Variants in ACAP3 observed in about 807,000 individuals in gnomAD.
The protein encoded by ACAP3 is ArfGAP with coiled-coil, ankyrin repeat and PH domains 3.
Under a neutral mutation model 104.1 loss-of-function variants are expected in ACAP3, and 56 were observed. The observed-to-expected ratio is 0.54, with a 90% CI of 0.43 to 0.67. The LOEUF (loss-of-function observed/expected upper bound fraction) is 0.67, where lower values mean the gene tolerates loss of function less well. Among genes scored for constraint, ACAP3 ranks in the 30% least tolerant of loss-of-function variants. ACAP3 has a pLI of 0.00. For synonymous variants in ACAP3, 628 were observed against 496.2 expected (o/e 1.27, Z -3.53); for missense variants, 1,208 against 1,174.9 (o/e 1.03, Z -0.41).
rs956723418 is a variant in ACAP3 at position 1,303,491 on chromosome 1, G to A, written c.106-210C>T. The A allele has an allele frequency of 2.2e-5, 15 of 683,468 alleles. No individual in the cohort carries two copies. Among genetic ancestry groups the A allele is most frequent in the Admixed American group, 9.1e-5 (3 of 33,054 alleles). 42.3% of individuals were successfully genotyped at this position (683,468 alleles called of 1,614,324 possible). A position where few individuals can be genotyped will look rare whatever the true frequency, so the allele number is the denominator to read the frequency against. The stretch of plus-strand genomic sequence containing the variant: ...TGGGAGGGGAGGGTGGGGCCGCCAC[G>A]GCTCGGCTGGGAGGGACCAGGAGCC... On this transcript the variant is annotated intron_variant, in intron 2 of 23. Coordinates refer to ENST00000354700, the MANE Select transcript of ACAP3 (RefSeq NM_030649.3). The surrounding 1 kb of genome is among the most constrained non-coding windows in gnomAD (Gnocchi z 4.0).
chr1:1,294,590 C>A lies in ACAP3; in HGVS notation c.1951G>T (p.Gly651Trp), dbSNP rs866709468. The change falls in exon 21 of 24, where the codon GGG becomes TGG. Residue 651 changes from glycine (G) to tryptophan (W), a missense_variant. Gly to Trp is a radical substitution (Grantham distance 184). Coordinates refer to ENST00000354700, the MANE Select transcript of ACAP3 (RefSeq NM_030649.3). ...CCCCAGGCCTCGGCCTCAGTGTCCC[C>A]GTCTGCCTCACCGCTGGACTCCTCC... ...ESEESSGEADGDTEAEAWGLA... is the reference protein window; with the variant it reads ...ESEESSGEADWDTEAEAWGLA... 2 of 1,517,618 alleles carry A rather than the reference C, an allele frequency of 1.3e-6. No individual in the cohort carries two copies. Among genetic ancestry groups the A allele is most frequent in the Non-Finnish European group, 8.8e-7 (1 of 1,138,824 alleles). The allele number at this position is 1,517,618 out of a possible 1,614,324, so 94.0% of individuals were successfully genotyped here.
Position 1,294,483 on chromosome 1 carries a change from C to T in ACAP3, c.2058G>A (p.Ala686=), listed in dbSNP as rs773775845. 7 of 1,546,158 alleles carry T rather than the reference C, an allele frequency of 4.5e-6. No individual in the cohort carries two copies. In the African/African-American group the frequency reaches 7.0e-5, roughly 15 times the overall value. ...TGACCTCGGCCCCGTGGGCCAGCGC[C>T]GCCGCCAGCGCAGGAAGGTCGCGGG... is the stretch of plus-strand genomic sequence containing the variant. ...ARARDLPALA[A]ALAHGAEVNW... The change falls in exon 21 of 24, where the codon GCG becomes GCA. Residue 686 remains alanine (A), a synonymous_variant. Transcript: ENST00000354700.
In ACAP3 at chr1:1,294,443, C is replaced by A. The variant is rs1189471160; in HGVS notation, c.2098G>T (p.Glu700Ter). ...HGAEVNWADA[E>*]DEGKTPLVQA... The stretch of plus-strand genomic sequence containing the variant: ...ACCAGCGGCGTCTTGCCCTCATCCT[C>A]CGCGTCCGCCCAGTTGACCTCGGCC... Residue 700 changes from glutamate to a stop codon, truncating the protein, a stop_gained, in exon 21 of 24, where the codon GAG becomes TAG. Coordinates refer to ENST00000354700, the MANE Select transcript of ACAP3 (RefSeq NM_030649.3). LOFTEE classifies it high-confidence loss of function. 6.3e-7 allele frequency: 1 copy of A among 1,574,986 alleles called. No individual in the cohort carries two copies.
intron 16 of ACAP3, 35 bp downstream of exon 16, chr1:1,296,176 C>T (rs374708743): frequency 2.6e-5 from 41 of 1,600,288 alleles, no homozygotes; most frequent in Middle Eastern, 1.6e-4. Context: ...CCCCCACAAA[C>T]GGGGTCCCGT....
Position 1,298,033 on chromosome 1 carries a change from G to A in ACAP3, c.996C>T (p.Phe332=), listed in dbSNP as rs748095891. ...PCEDIERRFC[F]EVLSPTKSCM... is the part of the protein sequence containing the mutation. Reference sequence around the variant, plus strand: ...CTCACTTGGTGGGTGACAGCACCTCGAAGCAGAACCTCCGCTCGATGTCCT... The same window carrying A: ...CTCACTTGGTGGGTGACAGCACCTCAAAGCAGAACCTCCGCTCGATGTCCT... Residue 332 remains phenylalanine, a synonymous_variant, in exon 13 of 24, where the codon TTC becomes TTT. Coordinates refer to ENST00000354700, the MANE Select transcript of ACAP3 (RefSeq NM_030649.3). 1.1e-5 allele frequency: 18 copies of A among 1,611,758 alleles called. No individual in the cohort carries two copies. The highest frequency in any genetic ancestry group is 1.4e-5 in the Non-Finnish European group (16 of 1,179,562).
intron 1 of ACAP3, 121 bp from the exon 2 acceptor site, chr1:1,304,264 G>A: frequency 1.6e-6 from 2 of 1,217,766 alleles, no homozygotes; most frequent in Non-Finnish European, 2.3e-6. Flanking sequence ...AAACAGGCTG[G>A]GAGACAGACG....
Position 1,300,525 on chromosome 1 carries a change from A to G in ACAP3, c.506T>C (p.Leu169Pro), listed in dbSNP as rs1302729436. The change falls in exon 6 of 24, where the codon CTG becomes CCG. Residue 169 changes from leucine to proline, a missense_variant. Transcript: ENST00000354700. Reference protein sequence around the residue: ...LTRKCFRHLALDYVLQINVLQ... With the variant: ...LTRKCFRHLAPDYVLQINVLQ... ...GGGGCTGACCTGGAGCACATAGTCCAGTGCCAGGTGGCGGAAGCACTTCCT... is the reference window on the plus strand; with the variant it reads ...GGGGCTGACCTGGAGCACATAGTCCGGTGCCAGGTGGCGGAAGCACTTCCT... The G allele has an allele frequency of 6.2e-7, 1 of 1,611,232 alleles. No individual in the cohort carries two copies. Among genetic ancestry groups the G allele is most frequent in the Non-Finnish European group, 8.5e-7 (1 of 1,179,524 alleles).
chr1:1,297,213 G>A (rs56153290), intron 14 of ACAP3, among the ~76,000 whole-genome samples: 4,202 of 104,192 alleles, frequency 0.04, 502 homozygotes, highest in African/African-American at 0.25. Context: ...GTGCACAGGC[G>A]CGGGGCAGGG....
chr1:1,295,932 G>C lies in ACAP3; in HGVS notation c.1509C>G (p.Asp503Glu). The C allele has an allele frequency of 6.2e-7, 1 of 1,612,486 alleles. No homozygotes were observed. Residue 503 changes from aspartate to glutamate, a missense_variant, in exon 18 of 24, where the codon GAC becomes GAG. By Grantham distance (45) the Asp-to-Glu change is conservative. Coordinates refer to ENST00000354700, the MANE Select transcript of ACAP3 (RefSeq NM_030649.3). Reference sequence around the variant, plus strand: ...ATTTGTCCTTGATCCAGGCCTCCTTGTCCTGCCTGGACCAGGGGGGAACAT... The same window carrying C: ...ATTTGTCCTTGATCCAGGCCTCCTTCTCCTGCCTGGACCAGGGGGGAACAT... Reference protein sequence around the residue: ...RKPTASSSRQDKEAWIKDKYV... With the variant: ...RKPTASSSRQEKEAWIKDKYV...
intron 4 of ACAP3, 102 bp downstream of exon 4, chr1:1,302,820 A>G: frequency 3.1e-6 from 1 of 325,254 alleles, no homozygotes; most frequent in Non-Finnish European, 6.1e-6. Context: ...CTAGAGGAGC[A>G]GAAACGTGCC....
rs1050765684 is a variant in ACAP3 at position 1,303,444 on chromosome 1, G to C, written c.106-163C>G. 1 of 903,108 alleles carries C rather than the reference G, an allele frequency of 1.1e-6. No homozygotes were observed. The allele number at this position is 903,108 out of a possible 1,614,324, so 55.9% of individuals were successfully genotyped here. A position where few individuals can be genotyped will look rare whatever the true frequency, so the allele number is the denominator to read the frequency against. On this transcript the variant is annotated intron_variant, in intron 2 of 23. Coordinates refer to ENST00000354700, the MANE Select transcript of ACAP3 (RefSeq NM_030649.3). This position sits in a 1 kb window ranked among gnomAD's most constrained non-coding sequence, Gnocchi z 4.0. ...GTGCAGCTTCCTCACGCCTGGGCCT[G>C]CCTGGGGCTTGGAGGCCCGTCTGGG... is the stretch of plus-strand genomic sequence containing the variant.
In ACAP3 at chr1:1,293,531, G is replaced by GGGGTA; in HGVS notation, c.*32_*33insTACCC. On this transcript the variant is annotated 3_prime_UTR_variant, in exon 24 of 24. Coordinates refer to ENST00000354700, the MANE Select transcript of ACAP3 (RefSeq NM_030649.3). ...TTCGGGGCATGCGGGGCGTCGGGCC[G>GGGGTA]GGCGGGGTGGCAGCTGCCCGGCCTG... 7.1e-7 allele frequency: 1 copy of GGGGTA among 1,418,292 alleles called. No homozygotes were observed. The highest frequency in any genetic ancestry group is 9.2e-7 in the Non-Finnish European group (1 of 1,092,318). 87.9% of individuals were successfully genotyped at this position (1,418,292 alleles called of 1,614,324 possible).
intron 1 of ACAP3, chr1:1,307,404 G>C: frequency 7.7e-7 from 1 of 1,291,582 alleles, no homozygotes; most frequent in Non-Finnish European, 1.0e-6. Flanking sequence ...GATCAAGTCA[G>C]AGACCAGGGG....
rs567378908 is a variant in ACAP3, at chr1:1,303,278, C to T, written c.109G>A (p.Val37Met). 2.5e-6 allele frequency: 4 copies of T among 1,584,100 alleles called. No individual in the cohort carries two copies. The East Asian group carries it at 6.9e-5, about 27-fold the overall frequency. ...TCCACCATGCCACTGCACAGCTTCA[C>T]CAGCTGTGGGCCAGCGGGGCGTGGT... The part of the protein sequence containing the change: ...VEIEAKLDKL[V>M]KLCSGMVEAG... Residue 37 changes from valine to methionine, a missense_variant, in exon 3 of 24, where the codon GTG becomes ATG. Physicochemically the swap from Val to Met is conservative, Grantham distance 21. Coordinates refer to ENST00000354700, the MANE Select transcript of ACAP3 (RefSeq NM_030649.3). The surrounding 1 kb of genome is among the most constrained non-coding windows in gnomAD (Gnocchi z 4.0).
At position 1,293,875 on chromosome 1, in the gene ACAP3, G is replaced by C; in HGVS notation, c.2308C>G (p.Arg770Gly). The C allele has an allele frequency of 6.3e-7, 1 of 1,576,712 alleles. No individual in the cohort carries two copies. Among genetic ancestry groups the C allele is most frequent in the Non-Finnish European group, 8.6e-7 (1 of 1,165,858 alleles). The change falls in exon 23 of 24, where the codon CGG becomes GGG. Residue 770 changes from arginine (R) to glycine (G), a missense_variant. Physicochemically the swap from Arg to Gly is moderately radical, Grantham distance 125. Transcript: ENST00000354700. ...ADQHALDQEQ[R>G]DPLAIAVQAA... ...TGCACTGCGATGGCCAACGGGTCCC[G>C]CTGCTCTTGGTCCAGGGCGTGCTGG...
At chr1:1,295,633 C>T in intron 18 of ACAP3, 79 bp from the exon 19 acceptor site, 5 of 1,560,720 alleles carry the variant, frequency 3.2e-6, no homozygotes, top group Non-Finnish European at 3.5e-6. Context: ...CGGGAGTCTG[C>T]GGAGCCTGAG....
In ACAP3 at chr1:1,300,662, CTTCT is replaced by C. The variant is rs1358446576; in HGVS notation, c.365_368del (p.Lys122SerfsTer15). 5.0e-6 allele frequency: 8 copies of C among 1,608,976 alleles called. No homozygotes were observed. The highest frequency in any genetic ancestry group is 2.7e-5 in the African/African-American group (2 of 74,678). On this transcript the variant is annotated frameshift_variant, in exon 6 of 24. Coordinates refer to ENST00000354700, the MANE Select transcript of ACAP3 (RefSeq NM_030649.3). LOFTEE classifies it high-confidence loss of function. ...GGTCCTCCCGCACCTTGTCAAACTGCTTCTTTGTCTCCTTGAACTTCCGCACATC... is the reference window on the plus strand; with the variant it reads ...GGTCCTCCCGCACCTTGTCAAACTGCTTGTCTCCTTGAACTTCCGCACATC...
rs749506699 is a variant in ACAP3, at chr1:1,300,572, G to A, written c.459C>T (p.Ala153=). Residue 153 remains alanine, a synonymous_variant, in exon 6 of 24, where the codon GCC becomes GCT. Coordinates refer to ENST00000354700, the MANE Select transcript of ACAP3 (RefSeq NM_030649.3). ...TCCTGGTGAGGGTGAGGGCCCCGGT[G>A]GCTTCCTCCACCTCGTGGGGCCGGT... The part of the protein sequence containing the change: ...PRHRPHEVEE[A]TGALTLTRKC... 1 of 1,612,162 alleles carries A rather than the reference G, an allele frequency of 6.2e-7. No individual in the cohort carries two copies. The highest frequency in any genetic ancestry group is 1.1e-5 in the South Asian group (1 of 91,014).
At chr1:1,293,998 G>A (rs1390417528) in intron 22 of ACAP3, 65 bp from the exon 23 acceptor site, 2 of 1,469,588 alleles carry the variant, frequency 1.4e-6, no homozygotes, top group South Asian at 1.3e-5. Flanking sequence ...GGTCGCGGGG[G>A]CGTGGCCGGA....
Sources: allele counts gnomAD v4.1 joint callset (sites outside exome capture counted in the v4.1 genomes callset), GRCh38; gene constraint gnomAD v4.1.1; non-coding constraint Gnocchi (gnomAD v3.1); transcripts MANE v1.5; gene names NCBI Gene and HGNC (gene_info 2026-07-23, HGNC 2026-07-21).